The following PARP10 variants were observed in gnomAD, a reference collection of about 807,000 sequenced individuals.
The protein encoded by PARP10 is protein mono-ADP-ribosyltransferase PARP10.
In PARP10, 56 loss-of-function variants were observed where a neutral mutation model predicts 82.4. The observed-to-expected ratio is 0.68, with a 90% CI of 0.55 to 0.85. The LOEUF (loss-of-function observed/expected upper bound fraction) is 0.85. Among genes scored for constraint, PARP10 ranks in the 40% least tolerant of loss-of-function variants. The probability of loss-of-function intolerance (pLI) is 0.00; values close to 1 mark genes in which losing one functional copy is unlikely to be tolerated. For synonymous variants in PARP10, 576 were observed against 601.1 expected (o/e 0.96, Z 0.61); for missense variants, 1,227 against 1,379.4 (o/e 0.89, Z 1.75).
intron 1 of PARP10, among the ~76,000 whole-genome samples, chr8:144,000,908 GTTT>G (rs781813743): frequency 1.3e-3 from 64 of 48,040 alleles, no homozygotes; most frequent in African/African-American, 3.7e-3. Context: ...TTGTGTGTGT[GTTT>G]TTTTTTTTTT....
upstream of PARP10, chr8:143,992,636 G>T (rs199626619): frequency 6.2e-7 from 1 of 1,614,062 alleles, no homozygotes; most frequent in East Asian, 2.2e-5. Context: ...TTGGCCGGGG[G>T]CGGGATGCTG....
chr8:143,992,087 CA>C (rs1554750613), upstream of PARP10: 1 of 1,612,810 alleles, frequency 6.2e-7, no homozygotes, highest in Non-Finnish European at 8.5e-7. Flanking sequence ...TGGTAACCCC[CA>C]AACCTGAGCC....
At chr8:143,991,585 C>T, upstream of PARP10, 1 of 1,603,252 alleles carries the variant, frequency 6.2e-7, no homozygotes, top group Non-Finnish European at 8.5e-7. Flanking sequence ...CAGGTCTTCC[C>T]AGGACAAGAC....
In PARP10 at chr8:144,011,883, G is replaced by A. The variant is rs1313730009; in HGVS notation, c.-80+647C>T. ...GCACCTGGGTCAGAAGAAATCATGG[G>A]CGAGTGTCCAGGCCTTCAAGACACA... On this transcript the variant is annotated intron_variant, in intron 1 of 3. Coordinates refer to the PARP10 transcript ENST00000530478. The surrounding 1 kb of genome is among the most constrained non-coding windows in gnomAD (Gnocchi z 4.5). Among the ~76,000 whole-genome samples the A allele has an allele frequency of 6.6e-6, 1 of 152,184 alleles. No homozygotes were observed. Among genetic ancestry groups the A allele is most frequent in the Non-Finnish European group, 1.5e-5 (1 of 68,038 alleles).
intron 1 of PARP10, chr8:144,012,395 C>A: frequency 1.3e-6 from 1 of 777,706 alleles, no homozygotes; most frequent in South Asian, 1.7e-5. Flanking sequence ...ATACCCAGGG[C>A]CCACTGGGCC....
chr8:143,977,971 C>A lies in PARP10; in HGVS notation c.2667G>T (p.Thr889=). 6.3e-7 allele frequency: 1 copy of A among 1,599,234 alleles called. No homozygotes were observed. ...RPVEQVLYHG[T]TAPAVPDICA... is the part of the protein sequence containing the mutation. Reference sequence around the variant, plus strand: ...AGATGTCAGGCACTGCCGGTGCCGTCGTGCCGTGGTACAGCACCTGCTCCA... The same window carrying A: ...AGATGTCAGGCACTGCCGGTGCCGTAGTGCCGTGGTACAGCACCTGCTCCA... Residue 889 remains threonine (T), a synonymous_variant, in exon 10 of 11, where the codon ACG becomes ACT. Coordinates refer to ENST00000313028, the MANE Select transcript of PARP10 (RefSeq NM_032789.5).
At position 143,977,980 on chromosome 8, in the gene PARP10, G is replaced by T. The variant is rs1390976927; in HGVS notation, c.2658C>A (p.Tyr886Ter). 5.0e-6 allele frequency: 8 copies of T among 1,598,138 alleles called. No individual in the cohort carries two copies. Among genetic ancestry groups the T allele is most frequent in the Non-Finnish European group, 1.7e-6 (2 of 1,178,734 alleles). Residue 886 changes from tyrosine (Y) to a stop codon, truncating the protein, a stop_gained, in exon 10 of 11, where the codon TAC becomes TAA. Transcript: ENST00000313028. LOFTEE classifies it high-confidence loss of function. ...GCACTGCCGGTGCCGTCGTGCCGTG[G>T]TACAGCACCTGCTCCACCGGGCGCC... ...CERRPVEQVLYHGTTAPAVPD... is the reference protein window; with the variant it reads ...CERRPVEQVL
chr8:143,984,819 G>A lies in PARP10; in HGVS notation c.1183C>T (p.Leu395=). 6.2e-7 allele frequency: 1 copy of A among 1,612,570 alleles called. No homozygotes were observed. Among genetic ancestry groups the A allele is most frequent in the Non-Finnish European group, 8.5e-7 (1 of 1,179,090 alleles). The part of the protein sequence containing the change: ...AGPVETSKGL[L]GQEGLVEIAM... ...ATTTCCACCAGGCCCTCCTGCCCCA[G>A]CAACCCCTTAGAGGTCTCCACTGGG... Residue 395 remains leucine, a synonymous_variant, in exon 5 of 11, where the codon CTG becomes TTG. Coordinates refer to ENST00000313028, the MANE Select transcript of PARP10 (RefSeq NM_032789.5).
At chr8:143,986,861 C>T (rs565902599), upstream of PARP10, 10 of 178,968 alleles carry the variant, frequency 5.6e-5, no homozygotes, top group East Asian at 1.5e-3. Context: ...CCGGCCAAGG[C>T]TGGCCTTCAA....
chr8:143,991,070 C>T, upstream of PARP10: 1 of 546,694 alleles, frequency 1.8e-6, no homozygotes, highest in Non-Finnish European at 3.2e-6. Context: ...CTCCCCACAG[C>T]CCGGGGCAAA....
upstream of PARP10, chr8:143,992,944 G>A: frequency 1.0e-6 from 1 of 975,890 alleles, no homozygotes; most frequent in Admixed American, 2.3e-5. Context: ...TTGTCCCCAG[G>A]CACAGCCTAG....
chr8:144,003,821 TTC>T (rs1554751877), intron 1 of PARP10, among the ~76,000 whole-genome samples: 3 of 149,108 alleles, frequency 2.0e-5, no homozygotes, highest in African/African-American at 7.4e-5. Context: ...AGCCCAGGAG[TTC>T]AAGACCAGCC....
Position 143,984,871 on chromosome 8 carries a change from C to T in PARP10, c.1131G>A (p.Met377Ile), listed in dbSNP as rs782764620. The T allele has an allele frequency of 5.9e-5, 96 of 1,613,782 alleles. No homozygotes were observed. Among genetic ancestry groups the T allele is most frequent in the Non-Finnish European group, 7.8e-5 (92 of 1,179,956 alleles). The change falls in exon 5 of 11, where the codon ATG becomes ATA. Residue 377 changes from methionine (M) to isoleucine (I), a missense_variant. Met to Ile is a conservative substitution (Grantham distance 10). Transcript: ENST00000313028. Reference sequence around the variant, plus strand: ...CTGCAGACCCCACAGGCCCCAGGCTCATGGGCCCCTCCTGTTCCTGCAACC... The same window carrying T: ...CTGCAGACCCCACAGGCCCCAGGCTTATGGGCCCCTCCTGTTCCTGCAACC... ...PVGLQEQEGP[M>I]SLGPVGSAGP...
chr8:144,001,627 AC>A (rs1834203377), intron 1 of PARP10, among the ~76,000 whole-genome samples: 2 of 152,240 alleles, frequency 1.3e-5, no homozygotes, highest in South Asian at 4.1e-4. Context: ...AATCACTTCA[AC>A]CCAGGAGGTA....
chr8:143,980,233 T>C (rs1377815315), intron 9 of PARP10, among the ~76,000 whole-genome samples: 1 of 133,672 alleles, frequency 7.5e-6, no homozygotes, highest in Non-Finnish European at 1.5e-5. Flanking sequence ...GGCAGGAGAA[T>C]GGCGTGAACC....
At chr8:143,981,043 G>A (rs1158731753) in intron 9 of PARP10, among the ~76,000 whole-genome samples, 1 of 150,114 alleles carries the variant, frequency 6.7e-6, no homozygotes, top group East Asian at 1.9e-4. Flanking sequence ...CTCTAAAGCT[G>A]TCAAGTGAAA....
At chr8:143,991,365 C>T, upstream of PARP10, 1 of 1,233,762 alleles carries the variant, frequency 8.1e-7, no homozygotes, top group South Asian at 1.5e-5. Flanking sequence ...GCCCCCTTTC[C>T]AGCCCTCCCC....
At chr8:143,991,810 T>C (rs1368743165), upstream of PARP10, 2 of 1,609,908 alleles carry the variant, frequency 1.2e-6, no homozygotes, top group African/African-American at 1.3e-5. Context: ...GCAAGGTGGG[T>C]AGGGGCATCT....
At chr8:143,992,632 G>T (rs782019546), upstream of PARP10, 31 of 1,613,798 alleles carry the variant, frequency 1.9e-5, no homozygotes, top group Non-Finnish European at 2.5e-5. Flanking sequence ...GACCTTGGCC[G>T]GGGGCGGGAT....
Sources: gnomAD v4.1 joint callset for allele counts (sites outside exome capture counted in the v4.1 genomes callset) on GRCh38, gnomAD v4.1.1 for gene constraint, Gnocchi (gnomAD v3.1) non-coding constraint, MANE v1.5 for transcripts, NCBI Gene and HGNC (gene_info 2026-07-23, HGNC 2026-07-21) for gene names.